NDST3: variants seen among roughly 807,000 people sequenced by gnomAD.
The protein encoded by NDST3 is N-deacetylase and N-sulfotransferase 3.
A neutral mutation model predicts 96.1 loss-of-function variants in NDST3; 58 were observed. The observed-to-expected ratio is 0.60, with a 90% CI of 0.49 to 0.75. The LOEUF is 0.75. NDST3 is among the 30% of genes least tolerant of loss of function. The pLI is 0.00. For synonymous variants in NDST3, 333 were observed against 359.7 expected (o/e 0.93, Z 0.84); for missense variants, 788 against 1,034.2 (o/e 0.76, Z 3.27).
At chr4:118,191,242 A>G (rs1737280710) in intron 6 of NDST3, among the ~76,000 whole-genome samples, 1 of 152,246 alleles carries the variant, frequency 6.6e-6, no homozygotes, top group African/African-American at 2.4e-5. Context: ...AAGTTAGATA[A>G]GACGGCCAGA....
intron 2 of NDST3, among the ~76,000 whole-genome samples, chr4:118,091,930 A>C (rs1728902000): frequency 6.6e-6 from 1 of 151,650 alleles, no homozygotes; most frequent in African/African-American, 2.4e-5. Context: ...ATGACTTTAA[A>C]TCCTTTTTAT....
At chr4:118,053,514 A>T (rs141038611) in intron 1 of NDST3, among the ~76,000 whole-genome samples, 1 of 151,978 alleles carries the variant, frequency 6.6e-6, no homozygotes, top group African/African-American at 2.4e-5. Flanking sequence ...AATATCATGA[A>T]ATTTTCTGTT....
chr4:118,162,821 A>G (rs868209988), intron 6 of NDST3, among the ~76,000 whole-genome samples: 9,644 of 148,796 alleles, frequency 0.065, 656 homozygotes, highest in African/African-American at 0.17. Flanking sequence ...GCAACCTACA[A>G]AATGGGAGAA....
At chr4:118,075,598 T>G (rs1440694158) in intron 2 of NDST3, among the ~76,000 whole-genome samples, 1 of 152,196 alleles carries the variant, frequency 6.6e-6, no homozygotes, top group Non-Finnish European at 1.5e-5. Context: ...TTCTAAGTGG[T>G]GTGAGATGGT....
chr4:118,092,032 T>C (rs1229015761), intron 2 of NDST3, among the ~76,000 whole-genome samples: 1 of 145,144 alleles, frequency 6.9e-6, no homozygotes, highest in African/African-American at 2.5e-5. Flanking sequence ...CTTACAACTC[T>C]GTGAGGTAGG....
At chr4:118,092,697 TTA>T (rs557556230) in intron 2 of NDST3, among the ~76,000 whole-genome samples, 94 of 151,968 alleles carry the variant, frequency 6.2e-4, no homozygotes, top group Non-Finnish European at 1.3e-3. Flanking sequence ...CAATAAATAT[TTA>T]TGAGTGCCTA....
chr4:118,143,430 C>T, intron 5 of NDST3, 126 bp from the exon 6 acceptor site: 1 of 884,918 alleles, frequency 1.1e-6, no homozygotes, highest in Non-Finnish European at 1.7e-6. Flanking sequence ...ATAGATTGTC[C>T]AGGCCCTGGT....
chr4:118,151,566 G>A (rs759035313), intron 6 of NDST3, among the ~76,000 whole-genome samples: 8 of 152,102 alleles, frequency 5.3e-5, no homozygotes, highest in East Asian at 3.9e-4. Context: ...CTCACCATGC[G>A]CTTTAGGTAA....
At chr4:118,050,206 A>G (rs552328010) in intron 1 of NDST3, among the ~76,000 whole-genome samples, 3 of 152,274 alleles carry the variant, frequency 2.0e-5, no homozygotes, top group African/African-American at 7.2e-5. Flanking sequence ...AACCCTTAAC[A>G]GTCTAGGCAT....
At chr4:118,194,725 A>T in intron 6 of NDST3, 2 of 523,880 alleles carry the variant, frequency 3.8e-6, no homozygotes, top group South Asian at 4.2e-5. Context: ...TCCCATTCTC[A>T]GTCTCCTTCA....
At chr4:118,193,648 C>T in intron 6 of NDST3, 1 of 1,299,576 alleles carries the variant, frequency 7.7e-7, no homozygotes, top group Non-Finnish European at 1.1e-6. Flanking sequence ...GCTGCAAGAC[C>T]TTCTGGAAGT....
chr4:118,238,196 AAAGAAAGAAAG>A (rs1740795176), intron 10 of NDST3, among the ~76,000 whole-genome samples: 1 of 150,634 alleles, frequency 6.6e-6, no homozygotes, highest in Non-Finnish European at 1.5e-5. Flanking sequence ...AGAAAGAAAG[AAAGAAAGAAAG>A]AAAGAAAGAA....
At chr4:118,227,067 T>G (rs1419934192) in intron 8 of NDST3, 85 bp downstream of exon 8, 1 of 856,318 alleles carries the variant, frequency 1.2e-6, no homozygotes, top group East Asian at 2.4e-5. Flanking sequence ...GTTCGTAAAC[T>G]TCCCATAACT....
chr4:118,129,550 C>T (rs964735213), intron 4 of NDST3, among the ~76,000 whole-genome samples: 1 of 151,814 alleles, frequency 6.6e-6, no homozygotes, highest in Non-Finnish European at 1.5e-5. Flanking sequence ...TCAGAGAAGA[C>T]GTTTGATATT....
At chr4:118,228,955 A>G (rs935962080) in intron 8 of NDST3, among the ~76,000 whole-genome samples, 2 of 152,252 alleles carry the variant, frequency 1.3e-5, no homozygotes, top group African/African-American at 4.8e-5. Context: ...AGTTTCTCAT[A>G]TCAGTTACAT....
chr4:118,066,200 ATTT>A (rs1578565178), intron 2 of NDST3, among the ~76,000 whole-genome samples: 1 of 69,696 alleles, frequency 1.4e-5, no homozygotes, highest in African/African-American at 5.6e-5. Flanking sequence ...TATATATTAT[ATTT>A]TATATATTAT....
intron 10 of NDST3, among the ~76,000 whole-genome samples, chr4:118,240,061 A>C (rs1196272958): frequency 1.3e-5 from 2 of 151,876 alleles, no homozygotes; most frequent in Non-Finnish European, 2.9e-5. Flanking sequence ...TCTTCATTTA[A>C]AAGAGCTGAT....
intron 6 of NDST3, among the ~76,000 whole-genome samples, chr4:118,219,924 CT>C (rs1174299910): frequency 5.9e-5 from 9 of 152,120 alleles, no homozygotes; most frequent in African/African-American, 1.4e-4. Flanking sequence ...CTCAACATCA[CT>C]GATCATTAGA....
At chr4:118,144,141 T>C (rs959706723) in intron 6 of NDST3, among the ~76,000 whole-genome samples, 3 of 152,142 alleles carry the variant, frequency 2.0e-5, no homozygotes, top group Non-Finnish European at 4.4e-5. Flanking sequence ...AGATTCGTCT[T>C]GCTAGGTCAT....
Sources: allele counts gnomAD v4.1 joint callset (sites outside exome capture counted in the v4.1 genomes callset), GRCh38; gene constraint gnomAD v4.1.1; transcripts MANE v1.5; gene names NCBI Gene and HGNC (gene_info 2026-07-23, HGNC 2026-07-21).